The following MYH9 variants were observed in gnomAD, a reference collection of about 807,000 sequenced individuals.
The protein encoded by MYH9 is myosin heavy chain 9.
A neutral mutation model predicts 241.9 loss-of-function variants in MYH9; 29 were observed. That is an observed-to-expected ratio of 0.12 (90% CI 0.09 to 0.16). MYH9 has a LOEUF of 0.16. Among genes scored for constraint, MYH9 ranks in the 10% least tolerant of loss-of-function variants. The pLI is 1.00. For missense variants in MYH9, 1,803 were observed against 2,595.5 expected, an observed-to-expected ratio of 0.69 and a Z score of 6.63; for synonymous variants, 1,047 against 1,062.6, an observed-to-expected ratio of 0.99 and a Z score of 0.29.
chr22:36,361,210 A>C (rs1317450328), intron 1 of MYH9, among the ~76,000 whole-genome samples: 1 of 152,202 alleles, frequency 6.6e-6, no homozygotes, highest in Admixed American at 6.5e-5. Flanking sequence ...CTTACAGAAG[A>C]AGCTGGAACT....
At chr22:36,382,962 T>G (rs576366670) in intron 1 of MYH9, among the ~76,000 whole-genome samples, 1 of 152,282 alleles carries the variant, frequency 6.6e-6, no homozygotes, top group South Asian at 2.1e-4. Flanking sequence ...ATTTCACACC[T>G]GTAACCCCAG....
chr22:36,292,126 C>T lies in MYH9; in HGVS notation c.4204G>A (p.Glu1402Lys), dbSNP rs1439574314. ...TTGTCGTAGGCGGCCACCTTCTCCT[C>T]GTGCCGCTGGCTCAGGCCCTCCAGG... ...KDLEGLSQRHEEKVAAYDKLE... is the reference protein window; with the variant it reads ...KDLEGLSQRHKEKVAAYDKLE... The change falls in exon 31 of 41, where the codon GAG becomes AAG. Residue 1402 changes from glutamate to lysine, a missense_variant. Glu to Lys is a moderately conservative substitution (Grantham distance 56, BLOSUM62 1). Transcript: ENST00000216181. The T allele has an allele frequency of 3.1e-6, 5 of 1,614,204 alleles. No individual in the cohort carries two copies. The South Asian group carries it at 3.3e-5, about 11-fold the overall frequency.
chr22:36,315,550 C>T (rs1469276430), intron 12 of MYH9, among the ~76,000 whole-genome samples: 2 of 152,132 alleles, frequency 1.3e-5, no homozygotes, highest in Non-Finnish European at 2.9e-5. Context: ...TCCCATCCTC[C>T]CAGCCTGGAC....
intron 3 of MYH9, among the ~76,000 whole-genome samples, chr22:36,335,345 T>C (rs1301769220): frequency 6.6e-6 from 1 of 152,212 alleles, no homozygotes; most frequent in Non-Finnish European, 1.5e-5. Flanking sequence ...CAGGCACATT[T>C]AGGCACACAG....
At chr22:36,319,479 T>C in intron 10 of MYH9, 61 bp downstream of exon 10, 1 of 1,518,232 alleles carries the variant, frequency 6.6e-7, no homozygotes, top group Non-Finnish European at 9.1e-7. Flanking sequence ...CCTTCCCTCC[T>C]GAGCAAATCC....
Position 36,282,767 on chromosome 22 carries a change from A to G in MYH9, c.5784T>C (p.Phe1928=). ...TCCGGGCCATTCGGCGGGGCACGAC[A>G]AACGGCAGGTCCCCGCGCCTGGGGG... ...KNKLRRGDLP[F]VVPRRMARKG... The change falls in exon 41 of 41, where the codon TTT becomes TTC. Residue 1928 remains phenylalanine, a synonymous_variant. Transcript: ENST00000216181. 1 of 1,612,104 alleles carries G rather than the reference A, an allele frequency of 6.2e-7. No homozygotes were observed. Among genetic ancestry groups the G allele is most frequent in the Admixed American group, 1.7e-5 (1 of 60,012 alleles).
intron 1 of MYH9, among the ~76,000 whole-genome samples, chr22:36,375,308 G>A (rs1305625372): frequency 3.3e-5 from 5 of 152,222 alleles, no homozygotes; most frequent in Admixed American, 2.6e-4. Flanking sequence ...TCACGCTGGG[G>A]CCAGGGTCTT....
chr22:36,339,776 C>A (rs557423784), intron 3 of MYH9, among the ~76,000 whole-genome samples: 3 of 152,172 alleles, frequency 2.0e-5, no homozygotes, highest in Non-Finnish European at 2.9e-5. Context: ...TAGGAGAACA[C>A]GGCCCTGCCT....
At chr22:36,361,889 G>T (rs550883658) in intron 1 of MYH9, among the ~76,000 whole-genome samples, 186 of 152,290 alleles carry the variant, frequency 1.2e-3, no homozygotes, top group African/African-American at 4.3e-3. Context: ...GGCCAACATG[G>T]TGAAACCCCA....
intron 7 of MYH9, 61 bp downstream of exon 7, chr22:36,321,697 T>A (rs531719210): frequency 6.8e-7 from 1 of 1,478,056 alleles, no homozygotes; most frequent in South Asian, 1.1e-5. Context: ...GCTTCTTCTC[T>A]ACAGAGGTCA....
intron 1 of MYH9, among the ~76,000 whole-genome samples, chr22:36,374,559 A>G (rs1348566652): frequency 7.9e-5 from 12 of 152,278 alleles, no homozygotes; most frequent in Non-Finnish European, 1.2e-4. Flanking sequence ...GATTCTAATA[A>G]CAATTACGTC....
intron 2 of MYH9, among the ~76,000 whole-genome samples, chr22:36,344,731 C>T (rs149933739): frequency 4.1e-4 from 62 of 152,358 alleles, no homozygotes; most frequent in Non-Finnish European, 8.5e-4. Flanking sequence ...AAAACCTCTG[C>T]GTGTGGCTTG....
chr22:36,337,296 C>T lies in MYH9; in HGVS notation c.490+4074G>A, dbSNP rs76239443. ...CTACAGTGCTCAGGAAGATCCCCCA[C>T]CCCCAACAGAGAATCATCCAGCCTC... On this transcript the variant is annotated intron_variant, in intron 3 of 40. Transcript: ENST00000216181. 4.3e-3 allele frequency among the ~76,000 whole-genome samples: 661 copies of T among 152,262 alleles called. 17 individuals carry two copies. In the East Asian group the frequency reaches 0.056, roughly 13 times the overall value.
chr22:36,367,606 G>A (rs1343840814), intron 1 of MYH9, among the ~76,000 whole-genome samples: 1 of 152,190 alleles, frequency 6.6e-6, no homozygotes, highest in Non-Finnish European at 1.5e-5. Flanking sequence ...CTGAAAGGCT[G>A]GCCAACCCCA....
intron 1 of MYH9, among the ~76,000 whole-genome samples, chr22:36,376,044 C>T (rs2018162857): frequency 1.4e-5 from 2 of 146,788 alleles, no homozygotes; most frequent in Admixed American, 7.0e-5. Context: ...TCACTGCAAC[C>T]TCCGCCTCCC....
chr22:36,287,295 C>A (rs999913656), intron 34 of MYH9, among the ~76,000 whole-genome samples: 3 of 152,056 alleles, frequency 2.0e-5, no homozygotes, highest in African/African-American at 7.2e-5. Context: ...CAGATAAATC[C>A]GAAATTGAGA....
chr22:36,310,695 A>G (rs1182811050), intron 14 of MYH9, among the ~76,000 whole-genome samples: 1 of 152,212 alleles, frequency 6.6e-6, no homozygotes, highest in Non-Finnish European at 1.5e-5. Flanking sequence ...TTGTCCTTTT[A>G]GCGGCCACAG....
rs779428678 is a variant in MYH9 at position 36,293,811 on chromosome 22, C to A, written c.3890G>T (p.Ser1297Ile). 6.2e-7 allele frequency: 1 copy of A among 1,613,836 alleles called. No homozygotes were observed. The highest frequency in any genetic ancestry group is 1.3e-5 in the African/African-American group (1 of 74,932). The stretch of plus-strand genomic sequence containing the variant: ...CGCGGAGAAGTCCTTGGTGAGCTTG[C>A]TGGACTTGCTGTCGGACTGGCTGAG... ...GLLSQSDSKS[S>I]KLTKDFSALE... The change falls in exon 29 of 41, where the codon AGC becomes ATC. Residue 1297 changes from serine to isoleucine, a missense_variant. Ser to Ile is a moderately radical substitution (Grantham distance 142, BLOSUM62 -2). This residue lies in a region of MYH9 where 876 missense variants were observed against 1,077.8 expected (regional missense o/e 0.81). Coordinates refer to ENST00000216181, the MANE Select transcript of MYH9 (RefSeq NM_002473.6). The surrounding 1 kb of genome is among the most constrained non-coding windows in gnomAD (Gnocchi z 5.1).
In MYH9 at chr22:36,349,185, T is replaced by C. The variant is rs746915345; in HGVS notation, c.52A>G (p.Asn18Asp). ...KYLYVDKNFI[N>D]NPLAQADWAA... is the part of the protein sequence containing the mutation. ...CAGTCGGCCTGGGCCAGCGGATTGT[T>C]GATGAAGTTTTTATCCACATAGAGA... Residue 18 changes from asparagine to aspartate, a missense_variant, in exon 2 of 41, where the codon AAC becomes GAC. Transcript: ENST00000216181. The C allele has an allele frequency of 4.3e-6, 7 of 1,614,226 alleles. No individual in the cohort carries two copies. In the South Asian group the frequency reaches 7.7e-5, roughly 18 times the overall value.
Sources: allele counts gnomAD v4.1 joint callset (sites outside exome capture counted in the v4.1 genomes callset), GRCh38; gene constraint gnomAD v4.1.1; regional missense constraint gnomAD v4.1.1; non-coding constraint Gnocchi (gnomAD v3.1); transcripts MANE v1.5; gene names NCBI Gene and HGNC (gene_info 2026-07-23, HGNC 2026-07-21).